The following MYO1G variants were observed in gnomAD, a reference collection of about 807,000 sequenced individuals.
MYO1G encodes the protein myosin IG, also known as unconventional myosin-Ig.
MYO1G carries 65 observed loss-of-function variants against 115.3 expected under a neutral mutation model. The observed-to-expected ratio is 0.56, with a 90% CI of 0.46 to 0.69. The LOEUF is 0.69. Among genes scored for constraint, MYO1G ranks in the 30% least tolerant of loss-of-function variants. MYO1G has a pLI of 0.00. For synonymous variants in MYO1G, 510 were observed against 552.6 expected (o/e 0.92, Z 1.08); for missense variants, 1,204 against 1,393.5 (o/e 0.86, Z 2.16).
chr7:44,963,333 G>T lies in MYO1G; in HGVS notation c.2746-209C>A. The T allele has an allele frequency of 3.6e-6, 2 of 552,194 alleles. No individual in the cohort carries two copies. The highest frequency in any genetic ancestry group is 6.2e-6 in the Non-Finnish European group (2 of 323,224). 34.2% of individuals were successfully genotyped at this position (552,194 alleles called of 1,614,324 possible). On this transcript the variant is annotated intron_variant, in intron 20 of 21. Transcript: ENST00000258787. The surrounding 1 kb of genome is among the most constrained non-coding windows in gnomAD (Gnocchi z 4.1). Reference sequence around the variant, plus strand: ...GCTTGGGCGGGACGCTGCACAATACGATTTTCTCCAGGACTGATGGTTCTA... The same window carrying T: ...GCTTGGGCGGGACGCTGCACAATACTATTTTCTCCAGGACTGATGGTTCTA...
Position 44,969,741 on chromosome 7 carries a change from C to A in MYO1G, c.1467G>T (p.Met489Ile), listed in dbSNP as rs1336442389. 6.2e-7 allele frequency: 1 copy of A among 1,608,718 alleles called. No homozygotes were observed. Among genetic ancestry groups the A allele is most frequent in the Non-Finnish European group, 8.5e-7 (1 of 1,178,424 alleles). The change falls in exon 11 of 22, where the codon ATG becomes ATT. Residue 489 changes from methionine (M) to isoleucine (I), a missense_variant. By Grantham distance (10) the Met-to-Ile change is conservative (BLOSUM62 1). Coordinates refer to ENST00000258787, the MANE Select transcript of MYO1G (RefSeq NM_033054.3). The surrounding 1 kb of genome is among the most constrained non-coding windows in gnomAD (Gnocchi z 5.0). Reference sequence around the variant, plus strand: ...TGTAGTGTAGGTGATGGCGGTGGTGCATGTCCAGGGTCTGCAGGAAGATTC... The same window carrying A: ...TGTAGTGTAGGTGATGGCGGTGGTGAATGTCCAGGGTCTGCAGGAAGATTC... The part of the protein sequence containing the change: ...TDRIFLQTLD[M>I]HHRHHLHYTS...
At chr7:44,970,795 G>A in intron 8 of MYO1G, 40 bp downstream of exon 8, 1 of 1,613,278 alleles carries the variant, frequency 6.2e-7, no homozygotes, top group Non-Finnish European at 8.5e-7. Flanking sequence ...CCCCATGAAG[G>A]CCTCCTGGGC....
chr7:44,965,778 T>C lies in MYO1G; in HGVS notation c.2240A>G (p.Lys747Arg). The change falls in exon 17 of 22, where the codon AAG becomes AGG. Residue 747 changes from lysine to arginine, a missense_variant. By Grantham distance (26) the Lys-to-Arg change is conservative. Transcript: ENST00000258787. ...YTIMRWFRRH[K>R]VRAHLAELQR... is the part of the protein sequence containing the mutation. ...CAGCTCAGCCAGGTGAGCCCGCACC[T>C]TGTGTCTCCGGAACCAGCGCATGAT... is the stretch of plus-strand genomic sequence containing the variant. The C allele has an allele frequency of 2.5e-6, 4 of 1,602,810 alleles. No homozygotes were observed. Among genetic ancestry groups the C allele is most frequent in the Non-Finnish European group, 3.4e-6 (4 of 1,177,730 alleles).
intron 17 of MYO1G, 64 bp downstream of exon 17, chr7:44,965,573 T>C: frequency 2.0e-6 from 3 of 1,493,660 alleles, no homozygotes. Flanking sequence ...AGGCCCGGGA[T>C]GATGGGTTAA....
At position 44,969,567 on chromosome 7, in the gene MYO1G, G is replaced by A; in HGVS notation, c.1504-84C>T. 6.3e-7 allele frequency: 1 copy of A among 1,582,656 alleles called. No homozygotes were observed. Among genetic ancestry groups the A allele is most frequent in the East Asian group, 2.2e-5 (1 of 44,682 alleles). ...ATAGCCCTGCCTCCCCACCTCCAGG[G>A]CAGAGAAGGTTGCCACAGTGACGAC... On this transcript the variant is annotated intron_variant, in intron 11 of 21. Coordinates refer to ENST00000258787, the MANE Select transcript of MYO1G (RefSeq NM_033054.3). The surrounding 1 kb of genome is among the most constrained non-coding windows in gnomAD (Gnocchi z 5.0).
intron 17 of MYO1G, 52 bp from the exon 18 acceptor site, chr7:44,965,141 C>T (rs1319827684): frequency 6.4e-7 from 1 of 1,563,010 alleles, no homozygotes. Context: ...TCATGTGCTC[C>T]CTGAGCCCCC....
Position 44,974,660 on chromosome 7 carries a change from C to A in MYO1G, c.618+514G>T, listed in dbSNP as rs1224326880. 4 of 171,564 alleles carry A rather than the reference C, an allele frequency of 2.3e-5. No individual in the cohort carries two copies. In the East Asian group the frequency reaches 5.6e-4, roughly 24 times the overall value. 10.6% of individuals were successfully genotyped at this position (171,564 alleles called of 1,614,324 possible). ...ACACCGCTGGCGTGCCAGGGAGCTC[C>A]ACTTCAGTGTCAAGCTCTGAGACTG... On this transcript the variant is annotated intron_variant, in intron 5 of 21. Transcript: ENST00000258787.
At chr7:44,970,784 C>T (rs1794942286) in intron 8 of MYO1G, 47 bp from the exon 9 acceptor site, 17 of 1,613,368 alleles carry the variant, frequency 1.1e-5, no homozygotes, top group Non-Finnish European at 1.3e-5. Flanking sequence ...GGCCTGGCCT[C>T]CCCCATGAAG....
chr7:44,975,451 C>A, intron 4 of MYO1G, 33 bp downstream of exon 4: 1 of 1,587,572 alleles, frequency 6.3e-7, no homozygotes, highest in Non-Finnish European at 8.6e-7. Flanking sequence ...GGCCAGGGCT[C>A]CCCATGGAGG....
In MYO1G at chr7:44,966,447, T is replaced by A; in HGVS notation, c.1950-167A>T. ...TCCCATACACATGTCCTCACATACA[T>A]GTCCTCACACAGCCCTCATACCCAT... On this transcript the variant is annotated intron_variant, in intron 15 of 21. Transcript: ENST00000258787. The surrounding 1 kb of genome is among the most constrained non-coding windows in gnomAD (Gnocchi z 5.0). 1.2e-6 allele frequency: 1 copy of A among 814,000 alleles called. No individual in the cohort carries two copies. Among genetic ancestry groups the A allele is most frequent in the Non-Finnish European group, 2.1e-6 (1 of 487,074 alleles). 50.4% of individuals were successfully genotyped at this position (814,000 alleles called of 1,614,324 possible).
intron 12 of MYO1G, chr7:44,968,997 T>A (rs1453050487): frequency 4.9e-6 from 1 of 205,778 alleles, no homozygotes; most frequent in Non-Finnish European, 1.0e-5. Context: ...ACCTGGGCTT[T>A]GGCACTGGGA....
chr7:44,976,999 G>C lies in MYO1G; in HGVS notation c.168C>G (p.Pro56=), dbSNP rs780309950. ...LVSVNPYQEL[P]LYGPEAIARY... ...TGGCGATGGCCTCAGGCCCATACAG[G>C]GGCAGCTCCTGGTAGGGGTTCACGG... Residue 56 remains proline, a synonymous_variant, in exon 2 of 22, where the codon CCC becomes CCG. Coordinates refer to ENST00000258787, the MANE Select transcript of MYO1G (RefSeq NM_033054.3). 6.2e-7 allele frequency: 1 copy of C among 1,613,712 alleles called. No homozygotes were observed. The highest frequency in any genetic ancestry group is 8.5e-7 in the Non-Finnish European group (1 of 1,180,038).
rs768320893 is a variant in MYO1G, at chr7:44,965,070, C to T, written c.2401G>A (p.Val801Met). 12 of 1,608,516 alleles carry T rather than the reference C, an allele frequency of 7.5e-6. No homozygotes were observed. The highest frequency in any genetic ancestry group is 8.5e-7 in the Non-Finnish European group (1 of 1,176,394). ...ATGTCTGAAGGGGGGATGTTCTTCA[C>T]CAGCTGCCGGGCCCGCCACCTGGGA... is the stretch of plus-strand genomic sequence containing the variant. ...LFCRWRARQL[V>M]KNIPPSDMPQ... Residue 801 changes from valine (V) to methionine (M), a missense_variant, in exon 18 of 22, where the codon GTG (valine) becomes ATG (methionine). Physicochemically the swap from Val to Met is conservative, Grantham distance 21. Coordinates refer to ENST00000258787, the MANE Select transcript of MYO1G (RefSeq NM_033054.3).
chr7:44,978,448 C>T (rs868719676), intron 1 of MYO1G, among the ~76,000 whole-genome samples: 25 of 152,198 alleles, frequency 1.6e-4, no homozygotes, highest in African/African-American at 5.8e-4. Context: ...TGAGATGCAT[C>T]GAGGGAGCAT....
At chr7:44,968,886 T>G in intron 12 of MYO1G, 1 of 161,754 alleles carries the variant, frequency 6.2e-6, no homozygotes. Context: ...CTTGAGAAGT[T>G]CTCATGAAAC....
At position 44,964,004 on chromosome 7, in the gene MYO1G, G is replaced by A; in HGVS notation, c.2745+45C>T. Reference sequence around the variant, plus strand: ...GCAGGACTCTGAGCAGCCCAGCAGTGCCCCTCACAGATGCTGCACCCTACT... The same window carrying A: ...GCAGGACTCTGAGCAGCCCAGCAGTACCCCTCACAGATGCTGCACCCTACT... On this transcript the variant is annotated intron_variant, in intron 20 of 21. Transcript: ENST00000258787. The surrounding 1 kb of genome is among the most constrained non-coding windows in gnomAD (Gnocchi z 5.1). The A allele has an allele frequency of 1.4e-6, 2 of 1,438,220 alleles. No homozygotes were observed. Among genetic ancestry groups the A allele is most frequent in the Non-Finnish European group, 1.9e-6 (2 of 1,044,996 alleles). 89.1% of individuals were successfully genotyped at this position (1,438,220 alleles called of 1,614,324 possible).
rs989352151 is a variant in MYO1G, at chr7:44,966,772, G to C, written c.1849C>G (p.His617Asp). The change falls in exon 15 of 22, where the codon CAC (histidine) becomes GAC (aspartate). Residue 617 changes from histidine (H) to aspartate (D), a missense_variant. Physicochemically the swap from His to Asp is moderately conservative, Grantham distance 81. Transcript: ENST00000258787. The surrounding 1 kb of genome is among the most constrained non-coding windows in gnomAD (Gnocchi z 5.0). ...AGGTATGCGACCTGGTGGCGACAGT[G>C]GTTCTCATCCAGCTTCCCAGCTACC... ...DKVAGKLDENHCRHQVAYLGL... is the reference protein window; with the variant it reads ...DKVAGKLDENDCRHQVAYLGL... 2.5e-6 allele frequency: 4 copies of C among 1,613,524 alleles called. No homozygotes were observed. Among genetic ancestry groups the C allele is most frequent in the Admixed American group, 3.3e-5 (2 of 59,996 alleles).
In MYO1G at chr7:44,975,666, G is replaced by A; in HGVS notation, c.399-17C>T. The A allele has an allele frequency of 6.3e-7, 1 of 1,581,018 alleles. No individual in the cohort carries two copies. The highest frequency in any genetic ancestry group is 8.6e-7 in the Non-Finnish European group (1 of 1,158,846). On this transcript the variant is annotated splice_polypyrimidine_tract_variant and intron_variant, in intron 3 of 21. Coordinates refer to ENST00000258787, the MANE Select transcript of MYO1G (RefSeq NM_033054.3). ...TCCTTGACCCTGTCAGGGCAGAGGG[G>A]CTGGGTCTTAAGGCAAAGACTTCCC...
intron 4 of MYO1G, 128 bp from the exon 5 acceptor site, chr7:44,975,355 C>T (rs1356455663): frequency 1.3e-6 from 2 of 1,498,512 alleles, no homozygotes; most frequent in African/African-American, 2.8e-5. Flanking sequence ...CACTGAGGCC[C>T]AGAGAAGGGC....
Sources: allele counts gnomAD v4.1 joint callset (sites outside exome capture counted in the v4.1 genomes callset), GRCh38; gene constraint gnomAD v4.1.1; non-coding constraint Gnocchi (gnomAD v3.1); transcripts MANE v1.5; gene names NCBI Gene and HGNC (gene_info 2026-07-23, HGNC 2026-07-21).